Variants in GALNT14 observed in about 807,000 individuals in gnomAD.
The protein encoded by GALNT14 is UDP-GalNAc:polypeptide N-acetylgalactosaminyltransferase 14.
GALNT14 carries 60 observed loss-of-function variants against 77.5 expected under a neutral mutation model. That is an observed-to-expected ratio of 0.77 (90% CI 0.63 to 0.96). GALNT14 has a LOEUF of 0.96. Among genes scored for constraint, GALNT14 ranks in the 40% least tolerant of loss-of-function variants. GALNT14 has a pLI of 0.00. For missense variants in GALNT14, 710 were observed against 731.0 expected (o/e 0.97, Z 0.33); for synonymous variants, 280 against 281.7 (o/e 0.99, Z 0.06).
At chr2:30,907,628 G>C (rs1299654603), downstream of GALNT14, among the ~76,000 whole-genome samples, 1 of 151,770 alleles carries the variant, frequency 6.6e-6, no homozygotes, top group Non-Finnish European at 1.5e-5. Flanking sequence ...TTCTACCAGA[G>C]GTACAAGGAG....
intron 6 of GALNT14, among the ~76,000 whole-genome samples, chr2:30,950,519 A>C (rs146997918): frequency 1.1e-4 from 17 of 152,280 alleles, no homozygotes; most frequent in African/African-American, 4.1e-4. Context: ...GACAAGACAC[A>C]TACAAAGACA....
intron 1 of GALNT14, among the ~76,000 whole-genome samples, chr2:31,021,905 G>A (rs563175798): frequency 1.5e-4 from 23 of 152,300 alleles, no homozygotes; most frequent in South Asian, 4.1e-4. Flanking sequence ...CACTTCTCTA[G>A]AAATTAGTTT....
chr2:31,066,587 C>T (rs1674980705), intron 1 of GALNT14, among the ~76,000 whole-genome samples: 1 of 152,160 alleles, frequency 6.6e-6, no homozygotes, highest in Admixed American at 6.5e-5. Flanking sequence ...ACACGAAGTA[C>T]ATCTCGGCCA....
In GALNT14 at chr2:30,910,719, T is replaced by G; in HGVS notation, c.*182A>C. On this transcript the variant is annotated 3_prime_UTR_variant, in exon 15 of 15. Transcript: ENST00000349752. ...ATGTGGGATTTGTCTTTGAGCCCCA[T>G]TGGCTTGTGATGTTTTCCTCTGTCC... 1 of 588,652 alleles carries G rather than the reference T, an allele frequency of 1.7e-6. No individual in the cohort carries two copies. 36.5% of individuals were successfully genotyped at this position (588,652 alleles called of 1,614,324 possible). A position where few individuals can be genotyped will look rare whatever the true frequency, so the allele number is the denominator to read the frequency against.
intron 1 of GALNT14, among the ~76,000 whole-genome samples, chr2:31,033,807 C>T (rs191632454): frequency 3.9e-5 from 6 of 152,218 alleles, no homozygotes; most frequent in East Asian, 1.9e-4. Flanking sequence ...CTCTCCAGAA[C>T]GCCCTCCCAT....
At chr2:30,946,638 A>G (rs1666715717) in intron 6 of GALNT14, among the ~76,000 whole-genome samples, 1 of 152,086 alleles carries the variant, frequency 6.6e-6, no homozygotes, top group Non-Finnish European at 1.5e-5. Flanking sequence ...TCTATAAATT[A>G]CCCAGTCTCT....
intron 2 of GALNT14, among the ~76,000 whole-genome samples, chr2:30,969,417 G>A (rs1449649232): frequency 6.6e-6 from 1 of 152,232 alleles, no homozygotes; most frequent in East Asian, 1.9e-4. Flanking sequence ...TCAGGGGCAA[G>A]TTGGGGAGGG....
intron 1 of GALNT14, among the ~76,000 whole-genome samples, chr2:31,071,232 C>T (rs1367431199): frequency 6.6e-6 from 1 of 152,012 alleles, no homozygotes; most frequent in East Asian, 1.9e-4. Flanking sequence ...ACCACCAGTT[C>T]CCCCAAAACC....
intron 1 of GALNT14, among the ~76,000 whole-genome samples, chr2:30,999,056 C>A (rs1670204341): frequency 6.6e-6 from 1 of 152,190 alleles, no homozygotes; most frequent in African/African-American, 2.4e-5. Flanking sequence ...TATTCTGCAG[C>A]TGGATTCCTG....
At chr2:30,928,677 C>T (rs1432246386) in intron 11 of GALNT14, among the ~76,000 whole-genome samples, 3 of 152,048 alleles carry the variant, frequency 2.0e-5, no homozygotes, top group African/African-American at 4.8e-5. Flanking sequence ...AGTGCAGTGG[C>T]GTGATCTCGG....
chr2:30,991,921 C>T (rs1669729805), intron 2 of GALNT14, among the ~76,000 whole-genome samples: 1 of 152,152 alleles, frequency 6.6e-6, no homozygotes, highest in Non-Finnish European at 1.5e-5. Context: ...TGTGAGTACC[C>T]ACAGACCCAA....
chr2:30,894,856 G>T, the GALNT14 span, among the ~76,000 whole-genome samples: 1 of 152,222 alleles, frequency 6.6e-6, no homozygotes, highest in Non-Finnish European at 1.5e-5. Flanking sequence ...ACTGAGGACA[G>T]TGGGAGAGTC....
At chr2:30,915,006 G>T (rs1664593601) in intron 13 of GALNT14, among the ~76,000 whole-genome samples, 1 of 152,188 alleles carries the variant, frequency 6.6e-6, no homozygotes, top group South Asian at 2.1e-4. Context: ...CCCATTACCT[G>T]ACTATAGAGT....
chr2:30,961,250 A>C (rs1290926795), intron 3 of GALNT14, among the ~76,000 whole-genome samples: 1 of 152,246 alleles, frequency 6.6e-6, no homozygotes, highest in African/African-American at 2.4e-5. Context: ...TGAAATAAGG[A>C]AATGTATTTG....
chr2:31,123,011 C>G (rs1435876892), intron 1 of GALNT14, among the ~76,000 whole-genome samples: 1 of 151,946 alleles, frequency 6.6e-6, no homozygotes, highest in Non-Finnish European at 1.5e-5. Context: ...GAAACCCTGT[C>G]TCTACTAAAA....
intron 3 of GALNT14, among the ~76,000 whole-genome samples, chr2:30,964,039 G>C (rs933212624): frequency 2.0e-5 from 3 of 152,220 alleles, no homozygotes; most frequent in Non-Finnish European, 2.9e-5. Context: ...GATATGTAGA[G>C]AAGGGCCCAG....
intron 1 of GALNT14, among the ~76,000 whole-genome samples, chr2:31,124,269 C>G (rs1678577122): frequency 6.6e-6 from 1 of 152,174 alleles, no homozygotes; most frequent in Non-Finnish European, 1.5e-5. Flanking sequence ...CATCCTACGT[C>G]CGGTCTTAGT....
intron 1 of GALNT14, among the ~76,000 whole-genome samples, chr2:31,095,401 T>C (rs140743959): frequency 1.4e-3 from 214 of 152,252 alleles, no homozygotes; most frequent in African/African-American, 4.7e-3. Context: ...CACTCAGTAA[T>C]AACTGGACAC....
chr2:31,089,623 G>T (rs949549480), intron 1 of GALNT14, among the ~76,000 whole-genome samples: 1 of 152,012 alleles, frequency 6.6e-6, no homozygotes, highest in African/African-American at 2.4e-5. Context: ...CAATCCTGCC[G>T]TGGACATACT....
Sources: allele counts gnomAD v4.1 joint callset (sites outside exome capture counted in the v4.1 genomes callset), GRCh38; gene constraint gnomAD v4.1.1; transcripts MANE v1.5; gene names NCBI Gene and HGNC (gene_info 2026-07-23, HGNC 2026-07-21).